SH3PXD2A: variants seen among roughly 807,000 people sequenced by gnomAD.
SH3PXD2A encodes the protein SH3 and PX domain-containing protein 2A.
SH3PXD2A carries 32 observed loss-of-function variants against 115.2 expected under a neutral mutation model. The ratio of observed to expected loss-of-function variants is 0.28; its 90% CI spans 0.21 to 0.37. SH3PXD2A has a LOEUF of 0.37. Ranked by LOEUF, SH3PXD2A falls within the 10% of genes least tolerant of loss-of-function variation. The pLI is 1.00. For missense variants in SH3PXD2A, 1,328 were observed against 1,498.7 expected (o/e 0.89, Z 1.88); for synonymous variants, 610 against 629.1 (o/e 0.97, Z 0.45).
intron 8 of SH3PXD2A, among the ~76,000 whole-genome samples, chr10:103,642,255 G>A (rs1056838972): frequency 6.6e-6 from 1 of 151,510 alleles, no homozygotes; most frequent in Non-Finnish European, 1.5e-5. Context: ...AAGCACACAC[G>A]ATGAAAACAA....
At chr10:103,772,265 G>A (rs1475277282) in intron 2 of SH3PXD2A, among the ~76,000 whole-genome samples, 4 of 152,184 alleles carry the variant, frequency 2.6e-5, no homozygotes, top group Non-Finnish European at 5.9e-5. Context: ...AACCTGGTCA[G>A]TACCCAATTT....
At chr10:103,831,333 G>A (rs1221877184) in intron 1 of SH3PXD2A, among the ~76,000 whole-genome samples, 1 of 152,136 alleles carries the variant, frequency 6.6e-6, no homozygotes, top group African/African-American at 2.4e-5. Context: ...ACTGTTCCAA[G>A]TGGTAGCCAT....
At chr10:103,736,260 G>T (rs769288273) in intron 3 of SH3PXD2A, among the ~76,000 whole-genome samples, 1 of 152,216 alleles carries the variant, frequency 6.6e-6, no homozygotes, top group Non-Finnish European at 1.5e-5. Context: ...AGTTTAGGTG[G>T]GTGGCTCCTT....
chr10:103,834,185 G>T (rs994657535), intron 1 of SH3PXD2A, among the ~76,000 whole-genome samples: 2 of 152,208 alleles, frequency 1.3e-5, no homozygotes, highest in Non-Finnish European at 2.9e-5. Context: ...CTGAACTCAG[G>T]AGCAGAGGCC....
chr10:103,844,219 G>A (rs765600897), intron 1 of SH3PXD2A, among the ~76,000 whole-genome samples: 1 of 152,210 alleles, frequency 6.6e-6, no homozygotes, highest in Non-Finnish European at 1.5e-5. Context: ...TCATCAAGAA[G>A]TGATTCTATC....
intron 5 of SH3PXD2A, among the ~76,000 whole-genome samples, chr10:103,709,099 C>T (rs1403440483): frequency 6.6e-6 from 1 of 152,060 alleles, no homozygotes; most frequent in African/African-American, 2.4e-5. Context: ...TGCCTCTGAG[C>T]CATTCAGAGG....
At chr10:103,614,829 A>G (rs1370337032) in intron 11 of SH3PXD2A, among the ~76,000 whole-genome samples, 5 of 152,030 alleles carry the variant, frequency 3.3e-5, no homozygotes, top group Admixed American at 2.6e-4. Flanking sequence ...GAAAAGGAAT[A>G]TGAAAGCTGA....
chr10:103,786,634 C>T (rs1448847792), intron 2 of SH3PXD2A, among the ~76,000 whole-genome samples: 1 of 152,124 alleles, frequency 6.6e-6, no homozygotes, highest in East Asian at 1.9e-4. Flanking sequence ...CACTGCACTC[C>T]AGCCTTGTGA....
intron 2 of SH3PXD2A, among the ~76,000 whole-genome samples, chr10:103,772,178 G>A (rs1225927775): frequency 1.3e-5 from 2 of 152,230 alleles, no homozygotes; most frequent in African/African-American, 4.8e-5. Context: ...CCCTCAATAC[G>A]TCAGATCGGC....
intron 5 of SH3PXD2A, among the ~76,000 whole-genome samples, chr10:103,697,806 G>A (rs2037842712): frequency 1.3e-5 from 2 of 152,190 alleles, no homozygotes; most frequent in African/African-American, 4.8e-5. Flanking sequence ...AGACTGCACA[G>A]GGAGAGGCTG....
chr10:103,630,282 C>A (rs1313211031), intron 8 of SH3PXD2A, among the ~76,000 whole-genome samples: 2 of 152,192 alleles, frequency 1.3e-5, no homozygotes, highest in Non-Finnish European at 2.9e-5. Context: ...CTCTCAGGAA[C>A]CCCAGCAGCC....
intron 13 of SH3PXD2A, chr10:103,608,704 G>C (rs535761102): frequency 6.6e-6 from 1 of 151,028 alleles, no homozygotes; most frequent in Non-Finnish European, 1.5e-5. Flanking sequence ...CTGGGCTCAA[G>C]CAATCCTCCT....
chr10:103,829,029 T>C (rs2039460552), intron 1 of SH3PXD2A, among the ~76,000 whole-genome samples: 1 of 152,208 alleles, frequency 6.6e-6, no homozygotes, highest in Admixed American at 6.5e-5. Context: ...CACCACATCT[T>C]TTGCCTACTG....
Position 103,612,942 on chromosome 10 carries a change from C to A in SH3PXD2A, c.1169G>T (p.Ser390Ile), listed in dbSNP as rs1009485. ...LPILCNASNG[S>I]AVGVPDRTVS... Reference sequence around the variant, plus strand: ...AGTCCTGTCAGGAACGCCCACGGCACTGCCATTGGAGGCATTGCAGAGGAT... The same window carrying A: ...AGTCCTGTCAGGAACGCCCACGGCAATGCCATTGGAGGCATTGCAGAGGAT... The change falls in exon 12 of 15, where the codon AGT (serine) becomes ATT (isoleucine). Residue 390 changes from serine to isoleucine, a missense_variant. Transcript: ENST00000369774. 6.2e-7 allele frequency: 1 copy of A among 1,613,994 alleles called. No individual in the cohort carries two copies. Among genetic ancestry groups the A allele is most frequent in the South Asian group, 1.1e-5 (1 of 91,064 alleles).
At chr10:103,634,761 G>A (rs891205625) in intron 8 of SH3PXD2A, among the ~76,000 whole-genome samples, 1 of 152,148 alleles carries the variant, frequency 6.6e-6, no homozygotes, top group Non-Finnish European at 1.5e-5. Flanking sequence ...GTAATTAGGG[G>A]TATTCAGTCA....
intron 6 of SH3PXD2A, among the ~76,000 whole-genome samples, chr10:103,681,708 C>G (rs962045135): frequency 6.6e-6 from 1 of 152,176 alleles, no homozygotes; most frequent in African/African-American, 2.4e-5. Flanking sequence ...CGCACTACCA[C>G]ACTCCAGCCT....
At chr10:103,804,957 C>T (rs12358734) in intron 1 of SH3PXD2A, among the ~76,000 whole-genome samples, 7,773 of 152,160 alleles carry the variant, frequency 0.051, 438 homozygotes, top group East Asian at 0.27. Flanking sequence ...AGGCTGAGCC[C>T]ACACCAGGTG....
intron 1 of SH3PXD2A, among the ~76,000 whole-genome samples, chr10:103,840,969 A>T (rs1171403698): frequency 6.6e-6 from 1 of 152,208 alleles, no homozygotes; most frequent in African/African-American, 2.4e-5. Flanking sequence ...TCTGGTTGTC[A>T]GGGATACAAA....
At chr10:103,827,618 T>C (rs560664156) in intron 1 of SH3PXD2A, among the ~76,000 whole-genome samples, 18 of 152,288 alleles carry the variant, frequency 1.2e-4, no homozygotes, top group Admixed American at 9.8e-4. Context: ...ACATTCTCAG[T>C]GCACCGTGAC....
Sources: allele counts gnomAD v4.1 joint callset (sites outside exome capture counted in the v4.1 genomes callset), GRCh38; gene constraint gnomAD v4.1.1; transcripts MANE v1.5; gene names NCBI Gene and HGNC (gene_info 2026-07-23, HGNC 2026-07-21).